The following TBC1D8B variants were observed in gnomAD, a reference collection of about 807,000 sequenced individuals.
The protein encoded by TBC1D8B is RP11-321G1.1.
A neutral mutation model predicts 82.9 loss-of-function variants in TBC1D8B; 75 were observed. That is an observed-to-expected ratio of 0.90 (90% CI 0.75 to 1.10). The LOEUF (loss-of-function observed/expected upper bound fraction) is 1.10. Ranked by LOEUF, TBC1D8B falls within the 50% of genes least tolerant of loss-of-function variation. TBC1D8B has a pLI of 0.00. For missense variants in TBC1D8B, 794 were observed against 796.9 expected (o/e 1.00, Z 0.04); for synonymous variants, 276 against 276.8 (o/e 1.00, Z 0.03).
chrX:106,840,473 C>T (rs1395046738), intron 9 of TBC1D8B, among the ~76,000 whole-genome samples, 197 bp from the exon 10 acceptor site: 2 of 111,439 alleles, frequency 1.8e-5, no homozygotes, highest in Non-Finnish European at 3.8e-5. Context: ...GAAAAAAGCT[C>T]ATGAAATTGG....
At chrX:106,839,197 A>G in intron 7 of TBC1D8B, 111 bp from the exon 8 acceptor site, 2 of 811,261 alleles carry the variant, frequency 2.5e-6, no homozygotes, top group Non-Finnish European at 3.3e-6. Context: ...TTGCTTTAAT[A>G]TTTGTTATGT....
chrX:106,850,376 A>G, intron 12 of TBC1D8B, 66 bp downstream of exon 12: 2 of 1,047,586 alleles, frequency 1.9e-6, no homozygotes. Context: ...TCAATCCCCT[A>G]TTTTACAGAG....
At chrX:106,846,339 C>T (rs1932451655) in intron 10 of TBC1D8B, among the ~76,000 whole-genome samples, 1 of 106,234 alleles carries the variant, frequency 9.4e-6, no homozygotes, top group Admixed American at 1.0e-4. Flanking sequence ...AACTCCTGAC[C>T]TCAAGTGATC....
chrX:106,826,162 G>A lies in TBC1D8B; in HGVS notation c.960G>A (p.Met320Ile). 2.5e-6 allele frequency: 3 copies of A among 1,210,689 alleles called. No homozygotes were observed. Among genetic ancestry groups the A allele is most frequent in the Non-Finnish European group, 3.4e-6 (3 of 894,940 alleles). ...GCCACTTCAATACTCATGGGAAAAT[G>A]TGCATCTCAGAAAATTATATCTGCT... ...PFSHFNTHGK[M>I]CISENYICFA... Residue 320 changes from methionine (M) to isoleucine (I), a missense_variant, in exon 6 of 21, where the codon ATG (methionine) becomes ATA (isoleucine). Transcript: ENST00000357242.
intron 10 of TBC1D8B, among the ~76,000 whole-genome samples, chrX:106,841,534 A>G (rs1283352103): frequency 8.9e-6 from 1 of 111,799 alleles, no homozygotes; most frequent in Non-Finnish European, 1.9e-5. Flanking sequence ...GTAGATTGGG[A>G]TAGAGCTGGA....
At chrX:106,868,855 C>G (rs1932830176) in intron 18 of TBC1D8B, among the ~76,000 whole-genome samples, 1 of 111,872 alleles carries the variant, frequency 8.9e-6, no homozygotes, top group Non-Finnish European at 1.9e-5. Flanking sequence ...GTGTAGGAGA[C>G]AGGGATGAGT....
At position 106,826,245 on chromosome X, in the gene TBC1D8B, A is replaced by C; in HGVS notation, c.1035+8A>C. 1 of 1,197,580 alleles carries C rather than the reference A, an allele frequency of 8.4e-7. No homozygotes were observed. The highest frequency in any genetic ancestry group is 1.1e-6 in the Non-Finnish European group (1 of 885,380). On this transcript the variant is annotated splice_region_variant and intron_variant, in intron 6 of 20. Coordinates refer to ENST00000357242, the MANE Select transcript of TBC1D8B (RefSeq NM_017752.3). ...ATCATTCCACTACGAGAGGTAATGT[A>C]AATTTGGTTACATATCAGTTTTTAG...
chrX:106,806,265 A>G (rs1474011613), intron 1 of TBC1D8B, among the ~76,000 whole-genome samples: 1 of 112,317 alleles, frequency 8.9e-6, no homozygotes, highest in Non-Finnish European at 1.9e-5. Flanking sequence ...GGCTCACAGC[A>G]GGATGGAATA....
rs1006959990 is a variant in TBC1D8B at position 106,802,691 on chromosome X, G to T, written c.-163G>T. On this transcript the variant is annotated 5_prime_UTR_variant, in exon 1 of 21. Transcript: ENST00000357242. Reference sequence around the variant, plus strand: ...GGGAATTGGCAATCTCTCTGCCTACGTGGGAGAGAAGGGAGGGTTGGGGGA... The same window carrying T: ...GGGAATTGGCAATCTCTCTGCCTACTTGGGAGAGAAGGGAGGGTTGGGGGA... 9 of 683,821 alleles carry T rather than the reference G, an allele frequency of 1.3e-5. No individual in the cohort carries two copies. The highest frequency in any genetic ancestry group is 6.6e-5 in the African/African-American group (3 of 45,704). The allele number at this position is 683,821 out of a possible 1,213,427, so 56.4% of individuals were successfully genotyped here.
rs1569280066 is a variant in TBC1D8B, at chrX:106,874,010, G to A, written c.*45G>A. On this transcript the variant is annotated 3_prime_UTR_variant, in exon 21 of 21. Coordinates refer to ENST00000357242, the MANE Select transcript of TBC1D8B (RefSeq NM_017752.3). The stretch of plus-strand genomic sequence containing the variant: ...CATAGACAAGTTTACTAACATTCCT[G>A]TAGCTGTCAGTTTGATTCCTGTGAG... The A allele has an allele frequency of 1.8e-6, 2 of 1,127,814 alleles. No homozygotes were observed. The highest frequency in any genetic ancestry group is 1.8e-5 in the African/African-American group (1 of 54,923). 92.9% of individuals were successfully genotyped at this position (1,127,814 alleles called of 1,213,427 possible). A position where few individuals can be genotyped will look rare whatever the true frequency, so the allele number is the denominator to read the frequency against.
chrX:106,834,498 C>T, intron 7 of TBC1D8B, among the ~76,000 whole-genome samples: 1 of 110,887 alleles, frequency 9.0e-6, no homozygotes, highest in African/African-American at 3.3e-5. Context: ...ATGTCATGTC[C>T]TCATATTTCA....
At chrX:106,853,196 G>A (rs1932628609) in intron 12 of TBC1D8B, among the ~76,000 whole-genome samples, 1 of 111,067 alleles carries the variant, frequency 9.0e-6, no homozygotes, top group African/African-American at 3.3e-5. Flanking sequence ...ATTGTAAATG[G>A]GAGTTCACTC....
intron 2 of TBC1D8B, among the ~76,000 whole-genome samples, chrX:106,819,187 G>A (rs974915459): frequency 5.4e-5 from 6 of 110,764 alleles, no homozygotes; most frequent in African/African-American, 2.0e-4. Context: ...TCCTAAGGAA[G>A]TATAAGCCTG....
In TBC1D8B at chrX:106,809,010, AG is replaced by A. The variant is rs761425966; in HGVS notation, c.130+6029del. On this transcript the variant is annotated intron_variant, in intron 1 of 20. Coordinates refer to ENST00000357242, the MANE Select transcript of TBC1D8B (RefSeq NM_017752.3). ...GATAAAAAATATTTTAAAAAGTAAA[AG>A]GCATTATAATGTTTGCCACATTGCT... Among the ~76,000 whole-genome samples, 3 of 112,011 alleles carry A rather than the reference AG, an allele frequency of 2.7e-5. No homozygotes were observed. In the South Asian group the frequency reaches 1.1e-3, roughly 42 times the overall value.
At chrX:106,838,525 ATT>A (rs1932229329) in intron 7 of TBC1D8B, among the ~76,000 whole-genome samples, 1 of 111,538 alleles carries the variant, frequency 9.0e-6, no homozygotes, top group Non-Finnish European at 1.9e-5. Context: ...CTTCTGTCCC[ATT>A]TCTTTCCTAG....
chrX:106,853,694 A>T, intron 13 of TBC1D8B, 44 bp downstream of exon 13: 1 of 1,119,488 alleles, frequency 8.9e-7, no homozygotes, highest in Non-Finnish European at 1.2e-6. Context: ...GCATATTTAA[A>T]ATGATTGAAC....
chrX:106,851,296 A>G (rs1055584824), intron 12 of TBC1D8B, among the ~76,000 whole-genome samples: 4 of 112,287 alleles, frequency 3.6e-5, no homozygotes, highest in African/African-American at 9.7e-5. Flanking sequence ...AGGCCGAGGC[A>G]GAATAATTGT....
chrX:106,869,355 C>A, intron 18 of TBC1D8B, 130 bp from the exon 19 acceptor site: 1 of 432,977 alleles, frequency 2.3e-6, no homozygotes, highest in Non-Finnish European at 3.8e-6. Flanking sequence ...GATGATAGGT[C>A]AAGTCAGCTA....
intron 1 of TBC1D8B, chrX:106,815,235 G>T (rs1436913220): frequency 8.9e-6 from 1 of 111,909 alleles, no homozygotes; most frequent in Non-Finnish European, 1.9e-5. Context: ...AAGGTGTAAG[G>T]AAGGGATCCA....
Sources: gnomAD v4.1 joint callset for allele counts (sites outside exome capture counted in the v4.1 genomes callset) on GRCh38, gnomAD v4.1.1 for gene constraint, MANE v1.5 for transcripts, NCBI Gene and HGNC (gene_info 2026-07-23, HGNC 2026-07-21) for gene names.